The following AGAP1 variants were observed in gnomAD, a reference collection of about 807,000 sequenced individuals.
The protein encoded by AGAP1 is ArfGAP with GTPase domain, ankyrin repeat and PH domain 1.
Under a neutral mutation model 105.3 loss-of-function variants are expected in AGAP1, and 29 were observed. The observed-to-expected ratio is 0.28, with a 90% CI of 0.21 to 0.38. The LOEUF is 0.38. Ranked by LOEUF, AGAP1 falls within the 10% of genes least tolerant of loss-of-function variation. The pLI is 1.00. For missense variants in AGAP1, 998 were observed against 1,165.1 expected, an observed-to-expected ratio of 0.86 and a Z score of 2.09; for synonymous variants, 509 against 485.9, an observed-to-expected ratio of 1.05 and a Z score of -0.63.
Position 235,662,859 on chromosome 2 carries a change from C to T in AGAP1, c.164-46320C>T, listed in dbSNP as rs1252362293. Among the ~76,000 whole-genome samples the T allele has an allele frequency of 6.6e-6, 1 of 152,192 alleles. No individual in the cohort carries two copies. The highest frequency in any genetic ancestry group is 1.5e-5 in the Non-Finnish European group (1 of 68,038). On this transcript the variant is annotated intron_variant, in intron 1 of 17. Transcript: ENST00000304032. The surrounding 1 kb of genome is among the most constrained non-coding windows in gnomAD (Gnocchi z 4.2). ...CCACTGCTGACTGGTGCATGGCGAGCAGAGGTTTTATTCCATCTTACTGTG... is the reference window on the plus strand; with the variant it reads ...CCACTGCTGACTGGTGCATGGCGAGTAGAGGTTTTATTCCATCTTACTGTG...
rs901410631 is a variant in AGAP1 at position 236,121,208 on chromosome 2, G to A, written c.2370+761G>A. Among the ~76,000 whole-genome samples, 3 of 152,368 alleles carry A rather than the reference G, an allele frequency of 2.0e-5. No individual in the cohort carries two copies. The highest frequency in any genetic ancestry group is 4.8e-5 in the African/African-American group (2 of 41,586). ...GCTGGAGGCTCTTCTGTCTCCACCC[G>A]CAAGGCAGGATGGGTCAGTCCAGCA... On this transcript the variant is annotated intron_variant, in intron 17 of 17. Transcript: ENST00000304032. The surrounding 1 kb of genome is among the most constrained non-coding windows in gnomAD (Gnocchi z 4.9).
chr2:235,651,039 G>A (rs1203806839), intron 1 of AGAP1, among the ~76,000 whole-genome samples: 2 of 151,886 alleles, frequency 1.3e-5, no homozygotes, highest in East Asian at 3.9e-4. Context: ...AAATTAGCCA[G>A]GCATGGTGGC....
chr2:235,658,804 G>T lies in AGAP1; in HGVS notation c.164-50375G>T, dbSNP rs375029775. Among the ~76,000 whole-genome samples the T allele has an allele frequency of 5.9e-5, 9 of 152,332 alleles. 1 individual carries two copies. Among genetic ancestry groups the T allele is most frequent in the African/African-American group, 2.2e-4 (9 of 41,578 alleles). ...CCTTTGACATTCAAATGAAATGGGA[G>T]CCTGTTTTACCCCAATCAGCCTTGA... On this transcript the variant is annotated intron_variant, in intron 1 of 17. Transcript: ENST00000304032.
At chr2:235,717,362 C>T (rs979490738) in intron 2 of AGAP1, among the ~76,000 whole-genome samples, 195 bp from the exon 3 acceptor site, 9 of 152,204 alleles carry the variant, frequency 5.9e-5, no homozygotes, top group Non-Finnish European at 8.8e-5. Context: ...CTGATGAGAA[C>T]GTGAGATGTT....
chr2:235,709,294 C>T, intron 2 of AGAP1, 57 bp downstream of exon 2: 1 of 1,570,304 alleles, frequency 6.4e-7, no homozygotes, highest in Non-Finnish European at 8.8e-7. Context: ...CTGTGCACAC[C>T]CAAGCCTGCA....
At chr2:235,687,858 C>CCT (rs1559352768) in intron 1 of AGAP1, among the ~76,000 whole-genome samples, 23 of 117,288 alleles carry the variant, frequency 2.0e-4, no homozygotes, top group Non-Finnish European at 3.9e-4. Context: ...TTTTTTTTTT[C>CCT]TTTTTTTTTT....
intron 1 of AGAP1, among the ~76,000 whole-genome samples, chr2:235,585,664 G>GA (rs1945084176): frequency 1.3e-5 from 2 of 152,122 alleles, no homozygotes; most frequent in South Asian, 4.1e-4. Context: ...TTGGGAAGAG[G>GA]AACTTAAGGC....
intron 1 of AGAP1, among the ~76,000 whole-genome samples, chr2:235,572,348 G>A (rs991666814): frequency 3.9e-5 from 6 of 151,954 alleles, no homozygotes; most frequent in African/African-American, 1.5e-4. Flanking sequence ...CAGGCATGGG[G>A]TGGCTGAGCC....
At chr2:235,518,527 A>G (rs965630073) in intron 1 of AGAP1, among the ~76,000 whole-genome samples, 10 of 152,172 alleles carry the variant, frequency 6.6e-5, no homozygotes, top group Admixed American at 6.5e-4. Context: ...ACAAAGAGCC[A>G]GGGCGGAAGC....
intron 16 of AGAP1, among the ~76,000 whole-genome samples, chr2:236,111,479 T>G (rs2059638914): frequency 6.8e-6 from 1 of 146,652 alleles, no homozygotes; most frequent in South Asian, 2.2e-4. Context: ...CTGGGCAGTA[T>G]AGCAAGACCC....
chr2:235,890,392 T>C (rs1194701442), intron 10 of AGAP1, among the ~76,000 whole-genome samples: 1 of 152,126 alleles, frequency 6.6e-6, no homozygotes, highest in Non-Finnish European at 1.5e-5. Context: ...CCTCAAGTGA[T>C]CCACCCGCCT....
intron 9 of AGAP1, among the ~76,000 whole-genome samples, chr2:235,857,298 G>A (rs756233014): frequency 7.2e-5 from 11 of 152,134 alleles, no homozygotes; most frequent in Admixed American, 1.3e-4. Context: ...TCTAGTGCCC[G>A]ATGATCTAAG....
At position 235,793,348 on chromosome 2, in the gene AGAP1, T is replaced by G. The variant is rs1171684826; in HGVS notation, c.674-4411T>G. On this transcript the variant is annotated intron_variant, in intron 6 of 17. Transcript: ENST00000304032. This position sits in a 1 kb window ranked among gnomAD's most constrained non-coding sequence, Gnocchi z 5.3. ...ACCACACTCAGTCCTTTTCAGCATT[T>G]TGTTTAGTTACCCAATCCATTTCAT... Among the ~76,000 whole-genome samples, 1 of 152,140 alleles carries G rather than the reference T, an allele frequency of 6.6e-6. No homozygotes were observed. Among genetic ancestry groups the G allele is most frequent in the African/African-American group, 2.4e-5 (1 of 41,422 alleles).
intron 1 of AGAP1, among the ~76,000 whole-genome samples, chr2:235,629,063 G>A (rs1946735443): frequency 6.6e-6 from 1 of 152,092 alleles, no homozygotes; most frequent in Non-Finnish European, 1.5e-5. Flanking sequence ...AGCCGCCTTG[G>A]CCTCCCAAAG....
intron 1 of AGAP1, among the ~76,000 whole-genome samples, chr2:235,693,977 A>G (rs565953671): frequency 6.6e-6 from 1 of 152,338 alleles, no homozygotes; most frequent in East Asian, 1.9e-4. Flanking sequence ...AGAAACTACC[A>G]TGTGATTCTG....
At chr2:235,679,068 T>C (rs1948920241) in intron 1 of AGAP1, among the ~76,000 whole-genome samples, 1 of 152,230 alleles carries the variant, frequency 6.6e-6, no homozygotes, top group African/African-American at 2.4e-5. Context: ...AAAGAAAGAA[T>C]GCTTTTCTGT....
At chr2:235,915,773 G>A (rs2051848708) in intron 11 of AGAP1, among the ~76,000 whole-genome samples, 1 of 152,172 alleles carries the variant, frequency 6.6e-6, no homozygotes, top group Non-Finnish European at 1.5e-5. Flanking sequence ...TAAAGAACGT[G>A]GCTAAAGACA....
chr2:235,740,135 G>A lies in AGAP1; in HGVS notation c.311-828G>A, dbSNP rs902206293. Among the ~76,000 whole-genome samples, 1 of 152,176 alleles carries A rather than the reference G, an allele frequency of 6.6e-6. No individual in the cohort carries two copies. Among genetic ancestry groups the A allele is most frequent in the Non-Finnish European group, 1.5e-5 (1 of 68,022 alleles). ...CATTGGAGAAGGCAGAGGAGCCAGGGTGGAATCCTTCCCGCTGCCCAGCAG... is the reference window on the plus strand; with the variant it reads ...CATTGGAGAAGGCAGAGGAGCCAGGATGGAATCCTTCCCGCTGCCCAGCAG... On this transcript the variant is annotated intron_variant, in intron 3 of 17. Coordinates refer to ENST00000304032, the MANE Select transcript of AGAP1 (RefSeq NM_001037131.3). This position sits in a 1 kb window ranked among gnomAD's most constrained non-coding sequence, Gnocchi z 5.7.
intron 11 of AGAP1, among the ~76,000 whole-genome samples, chr2:235,926,442 T>A (rs2052450056): frequency 6.6e-6 from 1 of 152,234 alleles, no homozygotes; most frequent in Non-Finnish European, 1.5e-5. Flanking sequence ...GCTCAGGTCG[T>A]GGACCACTGG....
Sources: allele counts gnomAD v4.1 joint callset (sites outside exome capture counted in the v4.1 genomes callset), GRCh38; gene constraint gnomAD v4.1.1; non-coding constraint Gnocchi (gnomAD v3.1); transcripts MANE v1.5; gene names NCBI Gene and HGNC (gene_info 2026-07-23, HGNC 2026-07-21).